Variants in OSBP2 observed in about 807,000 individuals in gnomAD.
OSBP2 encodes oxysterol-binding protein 2.
In OSBP2, 66 loss-of-function variants were observed where a neutral mutation model predicts 96.0. The ratio of observed to expected loss-of-function variants is 0.69; its 90% CI spans 0.56 to 0.84. The LOEUF is 0.84. Ranked by LOEUF, OSBP2 falls within the 40% of genes least tolerant of loss-of-function variation. OSBP2 has a pLI of 0.00. For synonymous variants in OSBP2, 525 were observed against 520.9 expected, an observed-to-expected ratio of 1.01 and a Z score of -0.11; for missense variants, 1,038 against 1,222.7, an observed-to-expected ratio of 0.85 and a Z score of 2.25.
intron 2 of OSBP2, among the ~76,000 whole-genome samples, chr22:30,794,402 T>C (rs182702609): frequency 6.6e-5 from 10 of 151,900 alleles, no homozygotes; most frequent in African/African-American, 2.2e-4. Flanking sequence ...GTAGCTGAGA[T>C]GACAGGCGCC....
At chr22:30,752,861 A>G (rs1485324236) in intron 2 of OSBP2, among the ~76,000 whole-genome samples, 1 of 152,196 alleles carries the variant, frequency 6.6e-6, no homozygotes, top group Admixed American at 6.5e-5. Flanking sequence ...ATGTGATACT[A>G]TACTAGAGTC....
chr22:30,867,506 C>G (rs1043247870), intron 2 of OSBP2, among the ~76,000 whole-genome samples: 1 of 152,184 alleles, frequency 6.6e-6, no homozygotes, highest in Non-Finnish European at 1.5e-5. Context: ...TTGTCCTACC[C>G]TCCCTCATTC....
intron 2 of OSBP2, among the ~76,000 whole-genome samples, chr22:30,847,488 G>T (rs1347929990): frequency 6.6e-6 from 1 of 152,010 alleles, no homozygotes; most frequent in Non-Finnish European, 1.5e-5. Flanking sequence ...CACCATGTCG[G>T]CCAGGCTGGT....
intron 2 of OSBP2, among the ~76,000 whole-genome samples, chr22:30,768,985 T>C (rs2090314691): frequency 6.6e-6 from 1 of 152,214 alleles, no homozygotes; most frequent in Admixed American, 6.5e-5. Flanking sequence ...GACCTAAACC[T>C]GAGGCTGGCA....
intron 12 of OSBP2, among the ~76,000 whole-genome samples, chr22:30,903,084 G>T (rs2040251845): frequency 6.6e-6 from 1 of 152,202 alleles, no homozygotes; most frequent in South Asian, 2.1e-4. Flanking sequence ...GTTCCCCAGA[G>T]GATCGGAGGT....
rs145881669 is a variant in OSBP2, at chr22:30,736,462, T to G, written c.645-4699T>G. 5.9e-5 allele frequency among the ~76,000 whole-genome samples: 9 copies of G among 152,296 alleles called. No homozygotes were observed. The East Asian group carries it at 1.7e-3, about 29-fold the overall frequency. On this transcript the variant is annotated intron_variant, in intron 1 of 13. Transcript: ENST00000332585. ...TGGGGCTTCTGCCCTTGAGTGACAT[T>G]GGGAATATCTCCCATCCAATCCCTG...
intron 3 of OSBP2, among the ~76,000 whole-genome samples, chr22:30,886,768 A>G (rs1281177455): frequency 6.6e-6 from 1 of 152,180 alleles, no homozygotes; most frequent in Non-Finnish European, 1.5e-5. Context: ...TTAGATAGGA[A>G]TTTGGGCAAG....
At chr22:30,795,514 A>G (rs1041777816) in intron 2 of OSBP2, among the ~76,000 whole-genome samples, 1 of 139,142 alleles carries the variant, frequency 7.2e-6, no homozygotes, top group Non-Finnish European at 1.5e-5. Context: ...AACCTATCCA[A>G]TGCATTTTTT....
chr22:30,834,863 T>A (rs900766406), intron 2 of OSBP2, among the ~76,000 whole-genome samples: 4 of 151,988 alleles, frequency 2.6e-5, no homozygotes, highest in African/African-American at 9.7e-5. Context: ...TCGCCCAGGC[T>A]GGAGTGCAGT....
At position 30,741,303 on chromosome 22, in the gene OSBP2, C is replaced by G; in HGVS notation, c.787C>G (p.Gln263Glu). 6.2e-7 allele frequency: 1 copy of G among 1,613,838 alleles called. No homozygotes were observed. Among genetic ancestry groups the G allele is most frequent in the Non-Finnish European group, 8.5e-7 (1 of 1,180,026 alleles). The change falls in exon 2 of 14, where the codon CAG becomes GAG. Residue 263 changes from glutamine (Q) to glutamate (E), a missense_variant. By Grantham distance (29) the Gln-to-Glu change is conservative. Around this residue, in one of 3 missense-constraint regions of OSBP2, gnomAD observed 737 missense variants for 913.3 expected, o/e 0.81. Coordinates refer to ENST00000332585, the MANE Select transcript of OSBP2 (RefSeq NM_030758.4). The stretch of plus-strand genomic sequence containing the variant: ...CAAGGCCAGCTCAGAGGTGGACCGG[C>G]AGCAGTGGATCACCGCCCTGGAGCT... Reference protein sequence around the residue: ...HLKASSEVDRQQWITALELAK... With the variant: ...HLKASSEVDREQWITALELAK...
intron 12 of OSBP2, among the ~76,000 whole-genome samples, chr22:30,900,254 C>CAAAAAAAAAAAAAAAAAAA (rs200271401): frequency 9.2e-6 from 1 of 108,428 alleles, no homozygotes; most frequent in Non-Finnish European, 1.9e-5. Flanking sequence ...AACTCCATCT[C>CAAAAAAAAAAAAAAAAAAA]AAAAAAAAAA....
At chr22:30,860,297 T>C (rs983125706) in intron 2 of OSBP2, among the ~76,000 whole-genome samples, 2 of 151,678 alleles carry the variant, frequency 1.3e-5, no homozygotes, top group African/African-American at 4.8e-5. Context: ...TGGGTTGGGG[T>C]TTAGAGTGAG....
rs2040340193 is a variant in OSBP2, at chr22:30,906,466, T to A, written c.*127T>A. ...CAGCCCTTCCTATTTCCTTTCCTAT[T>A]TTTTTTTTCTCCCCACACTTTCTTG... On this transcript the variant is annotated 3_prime_UTR_variant, in exon 14 of 14. Transcript: ENST00000332585. The A allele has an allele frequency of 2.5e-6, 3 of 1,182,802 alleles. No homozygotes were observed. Among genetic ancestry groups the A allele is most frequent in the Admixed American group, 6.4e-5 (2 of 31,208 alleles). 73.3% of individuals were successfully genotyped at this position (1,182,802 alleles called of 1,614,324 possible).
intron 2 of OSBP2, among the ~76,000 whole-genome samples, chr22:30,745,217 A>G (rs1317052457): frequency 6.6e-6 from 1 of 152,248 alleles, no homozygotes; most frequent in African/African-American, 2.4e-5. Flanking sequence ...GTGTGCCAGA[A>G]AAAAATACAA....
intron 2 of OSBP2, among the ~76,000 whole-genome samples, chr22:30,843,441 C>CT (rs757610052): frequency 3.9e-5 from 4 of 103,498 alleles, no homozygotes; most frequent in African/African-American, 2.4e-4. Context: ...TTTCAGGAAT[C>CT]TTTCCCCCCT....
chr22:30,738,176 C>G (rs1416459883), intron 1 of OSBP2, among the ~76,000 whole-genome samples: 1 of 151,720 alleles, frequency 6.6e-6, no homozygotes, highest in Admixed American at 6.6e-5. Flanking sequence ...GCACTCTGGC[C>G]AAAGGACCTT....
At chr22:30,863,779 G>A (rs1024724095) in intron 2 of OSBP2, among the ~76,000 whole-genome samples, 2 of 152,208 alleles carry the variant, frequency 1.3e-5, no homozygotes, top group African/African-American at 4.8e-5. Flanking sequence ...GCTGGTGACT[G>A]ACAGTTGGAT....
At chr22:30,712,890 T>C (rs1260723304) in intron 1 of OSBP2, among the ~76,000 whole-genome samples, 1 of 151,884 alleles carries the variant, frequency 6.6e-6, no homozygotes, top group Non-Finnish European at 1.5e-5. Context: ...GGAGCCCTGG[T>C]TTTTTGGTTT....
intron 2 of OSBP2, among the ~76,000 whole-genome samples, chr22:30,811,387 C>T (rs1325758811): frequency 6.7e-6 from 1 of 149,092 alleles, no homozygotes; most frequent in Non-Finnish European, 1.5e-5. Context: ...GCTCTGTCAC[C>T]CAGACTGGAG....
Sources: gnomAD v4.1 joint callset for allele counts (sites outside exome capture counted in the v4.1 genomes callset) on GRCh38, gnomAD v4.1.1 for gene constraint, gnomAD v4.1.1 regional missense constraint, MANE v1.5 for transcripts, NCBI Gene and HGNC (gene_info 2026-07-23, HGNC 2026-07-21) for gene names.